Variants in PTPN11 observed in about 807,000 individuals in gnomAD.
The protein encoded by PTPN11 is tyrosine-protein phosphatase non-receptor type 11.
PTPN11 carries 6 observed loss-of-function variants against 78.8 expected under a neutral mutation model. That is an observed-to-expected ratio of 0.08 (90% CI 0.04 to 0.15). The LOEUF is 0.15. Ranked by LOEUF, PTPN11 falls within the 10% of genes least tolerant of loss-of-function variation. The probability of loss-of-function intolerance (pLI) is 1.00; values close to 1 mark genes in which losing one functional copy is unlikely to be tolerated. For synonymous variants in PTPN11, 221 were observed against 263.5 expected (o/e 0.84, Z 1.56); for missense variants, 386 against 744.8 (o/e 0.52, Z 5.61).
chr12:112,457,265 T>G, intron 6 of PTPN11: 1 of 400,274 alleles, frequency 2.5e-6, no homozygotes, highest in South Asian at 1.7e-5. Context: ...GTGTTCTCAT[T>G]GTTTGGTTTT....
chr12:112,475,276 A>G (rs1382556811), intron 7 of PTPN11, among the ~76,000 whole-genome samples: 1 of 152,104 alleles, frequency 6.6e-6, no homozygotes, highest in Admixed American at 6.6e-5. Context: ...TTGATGTGCT[A>G]TGCAAGGCAG....
intron 1 of PTPN11, among the ~76,000 whole-genome samples, chr12:112,428,203 T>A (rs1045059373): frequency 1.3e-5 from 2 of 152,218 alleles, no homozygotes; most frequent in African/African-American, 2.4e-5. Flanking sequence ...TTAACTGTAA[T>A]CATTCTGTAT....
In PTPN11 at chr12:112,418,981, G is replaced by A. The variant is rs2037468858; in HGVS notation, c.-131G>A. 1.7e-6 allele frequency: 2 copies of A among 1,186,322 alleles called. No individual in the cohort carries two copies. Among genetic ancestry groups the A allele is most frequent in the Non-Finnish European group, 2.4e-6 (2 of 838,558 alleles). The allele number at this position is 1,186,322 out of a possible 1,614,324, so 73.5% of individuals were successfully genotyped here. A position where few individuals can be genotyped will look rare whatever the true frequency, so the allele number is the denominator to read the frequency against. On this transcript the variant is annotated 5_prime_UTR_variant, in exon 1 of 16. The change creates a new upstream start codon in the 5' untranslated region. Coordinates refer to ENST00000351677, the MANE Select transcript of PTPN11 (RefSeq NM_002834.5). ...GATCCCCAGGCCTGGAGGGGGGTCT[G>A]TGCGCGGCCGGCTGGCTCTGCCCCG... is the stretch of plus-strand genomic sequence containing the variant.
intron 5 of PTPN11, 116 bp downstream of exon 5, chr12:112,454,796 A>C: frequency 1.4e-6 from 1 of 714,404 alleles, no homozygotes; most frequent in Non-Finnish European, 2.5e-6. Context: ...CCATGTACCC[A>C]TTGCAGCTTC....
At chr12:112,484,359 C>T (rs1053110319) in intron 10 of PTPN11, among the ~76,000 whole-genome samples, 6 of 152,164 alleles carry the variant, frequency 3.9e-5, no homozygotes, top group Non-Finnish European at 8.8e-5. Flanking sequence ...GGGCACAAAA[C>T]AGAAAGTACG....
At chr12:112,481,470 C>T (rs991122193) in intron 9 of PTPN11, among the ~76,000 whole-genome samples, 8 of 151,936 alleles carry the variant, frequency 5.3e-5, no homozygotes, top group African/African-American at 1.7e-4. Context: ...CCTGGTCTTC[C>T]AAACACCTGC....
intron 12 of PTPN11, 53 bp downstream of exon 12, chr12:112,488,563 G>A (rs2135915384): frequency 6.6e-7 from 1 of 1,521,620 alleles, no homozygotes; most frequent in Middle Eastern, 1.7e-4. Flanking sequence ...GTTTATGGAA[G>A]GAAAGTGCTC....
chr12:112,461,411 G>A (rs913885216), intron 6 of PTPN11, among the ~76,000 whole-genome samples: 4 of 150,940 alleles, frequency 2.7e-5, no homozygotes, highest in African/African-American at 9.8e-5. Flanking sequence ...ACACAGTTGC[G>A]AACTCTTGGG....
At chr12:112,453,514 T>G in intron 4 of PTPN11, 127 bp downstream of exon 4, 1 of 820,560 alleles carries the variant, frequency 1.2e-6, no homozygotes, top group Admixed American at 2.6e-5. Flanking sequence ...ATTTATTTAT[T>G]TATTTGAGAC....
At chr12:112,458,925 C>T (rs1274602660) in intron 6 of PTPN11, among the ~76,000 whole-genome samples, 6 of 152,026 alleles carry the variant, frequency 3.9e-5, no homozygotes, top group African/African-American at 1.4e-4. Context: ...CCCAGCTACT[C>T]TGGGGGTTGA....
Position 112,439,784 on chromosome 12 carries a change from T to TA in PTPN11, c.15-6481dup, listed in dbSNP as rs557906559. Among the ~76,000 whole-genome samples, 557 of 131,460 alleles carry TA rather than the reference T, an allele frequency of 4.2e-3. 1 individual carries two copies. Among genetic ancestry groups the TA allele is most frequent in the East Asian group, 0.024 (102 of 4,164 alleles). The allele number at this position is 131,460 out of a possible 152,430, so 86.2% of individuals were successfully genotyped here. A position where few individuals can be genotyped will look rare whatever the true frequency, so the allele number is the denominator to read the frequency against. ...CATGCATGGCTGGATTGTCCTTTTT[T>TA]AAAAAAAAAAACAAAAACAAAAAAA... On this transcript the variant is annotated intron_variant, in intron 1 of 15. Transcript: ENST00000351677.
chr12:112,479,544 G>A (rs533326157), intron 9 of PTPN11, among the ~76,000 whole-genome samples: 1 of 152,258 alleles, frequency 6.6e-6, no homozygotes, highest in East Asian at 1.9e-4. Flanking sequence ...TGAAACAAAG[G>A]TTTCCTTCAG....
Position 112,450,336 on chromosome 12 carries a change from C to T in PTPN11, c.156C>T (p.Thr52=), listed in dbSNP as rs147388185. Residue 52 remains threonine (T), a synonymous_variant, in exon 3 of 16, where the codon ACC becomes ACT. Transcript: ENST00000351677. The part of the protein sequence containing the change: ...TLSVRRNGAV[T]HIKIQNTGDY... ...ATTTTAGAAGAAATGGAGCTGTCAC[C>T]CACATCAAGATTCAGAACACTGGTG... The T allele has an allele frequency of 4.3e-6, 7 of 1,611,640 alleles. No homozygotes were observed. Among genetic ancestry groups the T allele is most frequent in the South Asian group, 1.1e-5 (1 of 91,012 alleles).
chr12:112,505,668 A>C (rs1004784999), intron 15 of PTPN11, among the ~76,000 whole-genome samples, 157 bp from the exon 16 acceptor site: 2 of 151,574 alleles, frequency 1.3e-5, no homozygotes, highest in Non-Finnish European at 1.5e-5. Context: ...AAAAAAAAAA[A>C]AAAAAAAAAA....
At position 112,485,938 on chromosome 12, in the gene PTPN11, G is replaced by A. The variant is rs148252249; in HGVS notation, c.1225-537G>A. ...AGAGGTTGCAGTGAGCCAAGATCAC[G>A]CCACTGCACTCCAGCCTGGGCAACA... On this transcript the variant is annotated intron_variant, in intron 10 of 15. Transcript: ENST00000351677. 2.5e-3 allele frequency among the ~76,000 whole-genome samples: 371 copies of A among 150,308 alleles called. 2 individuals are homozygous for A. The highest frequency in any genetic ancestry group is 7.0e-3 in the Middle Eastern group (2 of 286).
chr12:112,446,548 G>A, intron 2 of PTPN11, 150 bp downstream of exon 2: 2 of 1,106,244 alleles, frequency 1.8e-6, no homozygotes, highest in Non-Finnish European at 2.7e-6. Context: ...GTGGCCTCCT[G>A]GACATTTAGC....
Position 112,504,385 on chromosome 12 carries a change from G to A in PTPN11, c.1713-310G>A, listed in dbSNP as rs545189331. 1.3e-5 allele frequency among the ~76,000 whole-genome samples: 2 copies of A among 152,280 alleles called. No homozygotes were observed. Among genetic ancestry groups the A allele is most frequent in the Non-Finnish European group, 2.9e-5 (2 of 68,026 alleles). On this transcript the variant is annotated intron_variant, in intron 14 of 15. Coordinates refer to ENST00000351677, the MANE Select transcript of PTPN11 (RefSeq NM_002834.5). The surrounding 1 kb of genome is among the most constrained non-coding windows in gnomAD (Gnocchi z 4.7). ...TAATTTTTGTATTTTTAGTAGAGAC[G>A]GGGTTCACCATATTGGCCAGGCTGG... is the stretch of plus-strand genomic sequence containing the variant.
chr12:112,496,797 A>G (rs1404610928), intron 13 of PTPN11, among the ~76,000 whole-genome samples: 1 of 152,250 alleles, frequency 6.6e-6, no homozygotes, highest in Admixed American at 6.5e-5. Context: ...GGAAATACAT[A>G]CAACACAGGT....
In PTPN11 at chr12:112,489,183, C is replaced by G. The variant is rs766534578; in HGVS notation, c.1599+8C>G. ...AGGATTGAAGAAGAGCAGGTACCAG[C>G]CTGAGGGCTGGCATGCGGATTCTCA... On this transcript the variant is annotated splice_region_variant and intron_variant, in intron 13 of 15. Coordinates refer to ENST00000351677, the MANE Select transcript of PTPN11 (RefSeq NM_002834.5). 1 of 1,614,052 alleles carries G rather than the reference C, an allele frequency of 6.2e-7. No individual in the cohort carries two copies. The highest frequency in any genetic ancestry group is 8.5e-7 in the Non-Finnish European group (1 of 1,180,004).
Sources: allele counts gnomAD v4.1 joint callset (sites outside exome capture counted in the v4.1 genomes callset), GRCh38; gene constraint gnomAD v4.1.1; non-coding constraint Gnocchi (gnomAD v3.1); transcripts MANE v1.5; gene names NCBI Gene and HGNC (gene_info 2026-07-23, HGNC 2026-07-21).